The following C19orf47 variants were observed in gnomAD, a reference collection of about 807,000 sequenced individuals.
The protein encoded by C19orf47 is uncharacterized protein C19orf47.
In C19orf47, 18 loss-of-function variants were observed where a neutral mutation model predicts 32.3. The observed-to-expected ratio is 0.56, with a 90% CI of 0.39 to 0.83. The LOEUF is 0.83. C19orf47 is among the 40% of genes least tolerant of loss of function. The pLI is 0.00. For synonymous variants in C19orf47, 202 were observed against 211.1 expected (o/e 0.96, Z 0.37); for missense variants, 484 against 531.6 (o/e 0.91, Z 0.88).
chr19:40,321,180 G>A lies in C19orf47; in HGVS notation c.*702C>T, dbSNP rs1021842889. On this transcript the variant is annotated 3_prime_UTR_variant, in exon 9 of 9. Coordinates refer to ENST00000683109, the MANE Select transcript of C19orf47 (RefSeq NM_001256441.2). Reference sequence around the variant, plus strand: ...ACACTTTCAGAGACAGATGCCCAGGGCAGGAAAACGGATGCGCCTCAGCCG... The same window carrying A: ...ACACTTTCAGAGACAGATGCCCAGGACAGGAAAACGGATGCGCCTCAGCCG... The A allele has an allele frequency of 4.2e-6, 4 of 946,960 alleles. No individual in the cohort carries two copies. The highest frequency in any genetic ancestry group is 1.2e-4 in the Admixed American group (2 of 16,200). The allele number at this position is 946,960 out of a possible 1,614,324, so 58.7% of individuals were successfully genotyped here. A position where few individuals can be genotyped will look rare whatever the true frequency, so the allele number is the denominator to read the frequency against.
At chr19:40,308,711 G>A in the C19orf47 span, among the ~76,000 whole-genome samples, 12 of 151,824 alleles carry the variant, frequency 7.9e-5, no homozygotes, top group African/African-American at 1.5e-4. Context: ...TGATCCGCCC[G>A]CCTCAGCCTC....
intron 4 of C19orf47, 86 bp from the exon 5 acceptor site, chr19:40,334,015 C>T: frequency 1.0e-6 from 1 of 972,492 alleles, no homozygotes; most frequent in Non-Finnish European, 1.5e-6. Context: ...AGGATCAACA[C>T]CTGACTGCTA....
chr19:40,310,578 C>A, the C19orf47 span, among the ~76,000 whole-genome samples: 1 of 152,264 alleles, frequency 6.6e-6, no homozygotes, highest in East Asian at 1.9e-4. Context: ...CCGCACCCAG[C>A]CGAATTGTTC....
chr19:40,298,295 T>G, the C19orf47 span, among the ~76,000 whole-genome samples: 1 of 146,860 alleles, frequency 6.8e-6, no homozygotes, highest in Non-Finnish European at 1.5e-5. Context: ...GAGTGAAACA[T>G]TGTCTCAAAA....
intron 2 of C19orf47, among the ~76,000 whole-genome samples, chr19:40,339,962 C>T (rs980285026): frequency 7.4e-6 from 1 of 134,736 alleles, no homozygotes; most frequent in Non-Finnish European, 1.6e-5. Context: ...GCAACAAAAG[C>T]GAAACTCCAT....
intron 1 of C19orf47, chr19:40,342,534 G>A (rs2078197804): frequency 6.6e-6 from 1 of 152,528 alleles, no homozygotes; most frequent in Non-Finnish European, 1.5e-5. Context: ...ACAAAGCCAT[G>A]GAACTTAGCA....
chr19:40,300,505 G>T, the C19orf47 span, among the ~76,000 whole-genome samples: 1 of 152,026 alleles, frequency 6.6e-6, no homozygotes, highest in South Asian at 2.1e-4. Context: ...TTACTGATAT[G>T]AATGTTCTAA....
chr19:40,328,786 G>A (rs979584489), intron 5 of C19orf47, among the ~76,000 whole-genome samples: 2 of 152,050 alleles, frequency 1.3e-5, no homozygotes, highest in African/African-American at 4.8e-5. Flanking sequence ...TGAGGCTCTA[G>A]ACCACACTAG....
the C19orf47 span, among the ~76,000 whole-genome samples, chr19:40,293,821 T>C: frequency 6.6e-6 from 1 of 152,058 alleles, no homozygotes; most frequent in Non-Finnish European, 1.5e-5. Context: ...CCAAAGAACT[T>C]AGAAGCATAG....
At chr19:40,326,961 C>T (rs893913161) in intron 6 of C19orf47, among the ~76,000 whole-genome samples, 1 of 151,814 alleles carries the variant, frequency 6.6e-6, no homozygotes, top group African/African-American at 2.4e-5. Context: ...GAGCCAGTTG[C>T]TCCCAGGCTC....
chr19:40,308,744 G>A, the C19orf47 span, among the ~76,000 whole-genome samples: 21 of 152,172 alleles, frequency 1.4e-4, no homozygotes, highest in Non-Finnish European at 2.4e-4. Context: ...GATTACAGGC[G>A]TGAGCCACCA....
At chr19:40,331,216 T>C (rs2077945815) in intron 5 of C19orf47, among the ~76,000 whole-genome samples, 1 of 152,220 alleles carries the variant, frequency 6.6e-6, no homozygotes, top group African/African-American at 2.4e-5. Flanking sequence ...TAAGAGGTGC[T>C]TTGCACACTG....
intron 1 of C19orf47, among the ~76,000 whole-genome samples, chr19:40,345,483 G>T (rs556997553): frequency 6.7e-6 from 1 of 149,854 alleles, no homozygotes; most frequent in Admixed American, 6.7e-5. Flanking sequence ...AGGATCTCTG[G>T]AGCCCAGGAT....
chr19:40,318,456 G>A (rs2077678208), downstream of C19orf47, among the ~76,000 whole-genome samples: 1 of 152,068 alleles, frequency 6.6e-6, no homozygotes, highest in Non-Finnish European at 1.5e-5. Flanking sequence ...TTATATCATT[G>A]CAGTTCCTAT....
At chr19:40,301,853 A>G in the C19orf47 span, among the ~76,000 whole-genome samples, 40 of 146,366 alleles carry the variant, frequency 2.7e-4, no homozygotes, top group Admixed American at 8.8e-4. Context: ...TAGGAAAAAA[A>G]TCTTAAAAAA....
chr19:40,341,259 G>A (rs1271730080), intron 2 of C19orf47, among the ~76,000 whole-genome samples: 3 of 151,934 alleles, frequency 2.0e-5, no homozygotes, highest in South Asian at 2.1e-4. Context: ...ACTTGAACCC[G>A]GGAGGTGGAG....
At position 40,342,018 on chromosome 19, in the gene C19orf47, C is replaced by G. The variant is rs2078188273; in HGVS notation, c.-33-128G>C. On this transcript the variant is annotated intron_variant, in intron 1 of 8. Coordinates refer to ENST00000683109, the MANE Select transcript of C19orf47 (RefSeq NM_001256441.2). ...CTAGGGGCTCACCGCCCAGGAATAG[C>G]CTGGAGCAGCTGGCAGGAAGTCAGC... 4.7e-6 allele frequency: 7 copies of G among 1,482,656 alleles called. No individual in the cohort carries two copies. In the South Asian group the frequency reaches 9.3e-5, roughly 20 times the overall value. The allele number at this position is 1,482,656 out of a possible 1,614,324, so 91.8% of individuals were successfully genotyped here.
At position 40,320,913 on chromosome 19, in the gene C19orf47, A is replaced by C. The variant is rs1230466912; in HGVS notation, c.*969T>G. On this transcript the variant is annotated 3_prime_UTR_variant, in exon 9 of 9. Transcript: ENST00000683109. ...GTGACTGTGGCCATTACTCCCCCTG[A>C]CTCAGGGCTTGCAGCAGGGACATGG... 6.5e-6 allele frequency: 1 copy of C among 153,300 alleles called. No homozygotes were observed. The highest frequency in any genetic ancestry group is 6.6e-5 in the Admixed American group (1 of 15,256). The allele number at this position is 153,300 out of a possible 1,614,324, so 9.5% of individuals were successfully genotyped here. A position where few individuals can be genotyped will look rare whatever the true frequency, so the allele number is the denominator to read the frequency against.
the C19orf47 span, among the ~76,000 whole-genome samples, chr19:40,307,492 G>A: frequency 2.0e-5 from 3 of 152,020 alleles, no homozygotes; most frequent in African/African-American, 7.2e-5. Context: ...TCTGCCTCCT[G>A]GGCTCAAGGG....
Sources: gnomAD v4.1 joint callset for allele counts (sites outside exome capture counted in the v4.1 genomes callset) on GRCh38, gnomAD v4.1.1 for gene constraint, MANE v1.5 for transcripts, NCBI Gene and HGNC (gene_info 2026-07-23, HGNC 2026-07-21) for gene names.